RARA: variants seen among roughly 807,000 people sequenced by gnomAD.
The protein encoded by RARA is PML-DDX5-RARA fusion.
Under a neutral mutation model 42.8 loss-of-function variants are expected in RARA, and 5 were observed. That is an observed-to-expected ratio of 0.12 (90% CI 0.06 to 0.25). The LOEUF (loss-of-function observed/expected upper bound fraction) is 0.25. Ranked by LOEUF, RARA falls within the 10% of genes least tolerant of loss-of-function variation. The pLI is 1.00. For synonymous variants in RARA, 256 were observed against 259.5 expected, an observed-to-expected ratio of 0.99 and a Z score of 0.13; for missense variants, 402 against 628.7, an observed-to-expected ratio of 0.64 and a Z score of 3.86.
In RARA at chr17:40,332,602, T is replaced by C. The variant is rs191144127; in HGVS notation, c.178+1206T>C. Among the ~76,000 whole-genome samples, 56 of 152,326 alleles carry C rather than the reference T, an allele frequency of 3.7e-4. 1 individual carries two copies. The East Asian group carries it at 8.3e-3, about 23-fold the overall frequency. ...CTGGCTGGGTGCCCACCACCACCACTGCTTCCTGGATCGCCTCCTCTGGCT... is the reference window on the plus strand; with the variant it reads ...CTGGCTGGGTGCCCACCACCACCACCGCTTCCTGGATCGCCTCCTCTGGCT... On this transcript the variant is annotated intron_variant, in intron 2 of 8. Transcript: ENST00000254066.
At position 40,356,276 on chromosome 17, in the gene RARA, C is replaced by T. The variant is rs2034626163; in HGVS notation, c.*50C>T. Reference sequence around the variant, plus strand: ...CCTCGCCCTCCGCCCCGGCTTTTCTCTGCCTTTCTACCGACCATGTGACCC... The same window carrying T: ...CCTCGCCCTCCGCCCCGGCTTTTCTTTGCCTTTCTACCGACCATGTGACCC... On this transcript the variant is annotated 3_prime_UTR_variant, in exon 9 of 9. Coordinates refer to ENST00000254066, the MANE Select transcript of RARA (RefSeq NM_000964.4). The T allele has an allele frequency of 1.3e-6, 2 of 1,522,626 alleles. No individual in the cohort carries two copies. Among genetic ancestry groups the T allele is most frequent in the South Asian group, 1.2e-5 (1 of 83,532 alleles). The allele number at this position is 1,522,626 out of a possible 1,614,324, so 94.3% of individuals were successfully genotyped here.
intron 2 of RARA, among the ~76,000 whole-genome samples, chr17:40,343,441 C>G (rs913966046): frequency 1.3e-5 from 2 of 152,164 alleles, no homozygotes; most frequent in Admixed American, 1.3e-4. Context: ...ATCAGACACC[C>G]GTCTGCCATC....
Position 40,356,658 on chromosome 17 carries a change from A to AG in RARA, c.*437dup, listed in dbSNP as rs1441852006. On this transcript the variant is annotated 3_prime_UTR_variant, in exon 9 of 9. Transcript: ENST00000254066. ...TCCCCCCTGCCTCGGTTGGTGACAG[A>AG]GGGGGTGGGACAGGGGCGGGGGGTT... 8 of 465,154 alleles carry AG rather than the reference A, an allele frequency of 1.7e-5. No individual in the cohort carries two copies. The highest frequency in any genetic ancestry group is 3.4e-5 in the Non-Finnish European group (8 of 235,720). The allele number at this position is 465,154 out of a possible 1,614,324, so 28.8% of individuals were successfully genotyped here.
chr17:40,320,855 G>A lies in RARA; in HGVS notation c.-362-10002G>A, dbSNP rs957007593. ...GCGACAAATAAGCGGGGTAATCTCC[G>A]CTTGCTCAGTACCCACACCCATCTT... is the stretch of plus-strand genomic sequence containing the variant. On this transcript the variant is annotated intron_variant, in intron 1 of 8. Transcript: ENST00000254066. The surrounding 1 kb of genome is among the most constrained non-coding windows in gnomAD (Gnocchi z 4.1). 6.6e-6 allele frequency among the ~76,000 whole-genome samples: 1 copy of A among 152,132 alleles called. No homozygotes were observed. The highest frequency in any genetic ancestry group is 1.9e-4 in the East Asian group (1 of 5,196).
In RARA at chr17:40,352,145, C is replaced by G. The variant is rs2034477873; in HGVS notation, c.630+75C>G. 1 of 1,470,554 alleles carries G rather than the reference C, an allele frequency of 6.8e-7. No homozygotes were observed. Among genetic ancestry groups the G allele is most frequent in the East Asian group, 2.5e-5 (1 of 40,788 alleles). 91.1% of individuals were successfully genotyped at this position (1,470,554 alleles called of 1,614,324 possible). A position where few individuals can be genotyped will look rare whatever the true frequency, so the allele number is the denominator to read the frequency against. ...GCCAGGATGGGCCCCTCTCAGGCAC[C>G]CCTTCTTGTGCCAGGCAAGATCTCT... On this transcript the variant is annotated intron_variant, in intron 5 of 8. Coordinates refer to ENST00000254066, the MANE Select transcript of RARA (RefSeq NM_000964.4). The surrounding 1 kb of genome is among the most constrained non-coding windows in gnomAD (Gnocchi z 4.9).
intron 2 of RARA, among the ~76,000 whole-genome samples, chr17:40,343,914 C>A (rs764757590): frequency 1.3e-5 from 2 of 152,172 alleles, no homozygotes; most frequent in Non-Finnish European, 2.9e-5. Flanking sequence ...TCCTGCGCAG[C>A]TGTGAGGCAG....
In RARA at chr17:40,356,567, C is replaced by T; in HGVS notation, c.*341C>T. On this transcript the variant is annotated 3_prime_UTR_variant, in exon 9 of 9. Transcript: ENST00000254066. ...ACCACATCTTCATCACCAGCAAACGCCAGGACTTGGCTCCCCCATCCTCAG... is the reference window on the plus strand; with the variant it reads ...ACCACATCTTCATCACCAGCAAACGTCAGGACTTGGCTCCCCCATCCTCAG... The T allele has an allele frequency of 1.7e-6, 1 of 580,712 alleles. No homozygotes were observed. Among genetic ancestry groups the T allele is most frequent in the African/African-American group, 1.8e-5 (1 of 55,550 alleles). 36.0% of individuals were successfully genotyped at this position (580,712 alleles called of 1,614,324 possible).
chr17:40,342,635 G>C (rs2034107699), intron 2 of RARA: 1 of 1,541,806 alleles, frequency 6.5e-7, no homozygotes, highest in Non-Finnish European at 8.7e-7. Flanking sequence ...CTCGGATGGC[G>C]CCGCCGGCTG....
Position 40,352,655 on chromosome 17 carries a change from A to C in RARA, c.807+148A>C. The C allele has an allele frequency of 2.7e-6, 2 of 747,924 alleles. No individual in the cohort carries two copies. Among genetic ancestry groups the C allele is most frequent in the Admixed American group, 3.3e-5 (1 of 30,342 alleles). 46.3% of individuals were successfully genotyped at this position (747,924 alleles called of 1,614,324 possible). A position where few individuals can be genotyped will look rare whatever the true frequency, so the allele number is the denominator to read the frequency against. ...AAATGTCTGCCCTTCCTCTCCCCAT[A>C]TGTCCACCTGTCCACTCGTCTCCCT... On this transcript the variant is annotated intron_variant, in intron 6 of 8. Coordinates refer to ENST00000254066, the MANE Select transcript of RARA (RefSeq NM_000964.4). The surrounding 1 kb of genome is among the most constrained non-coding windows in gnomAD (Gnocchi z 4.9).
At position 40,352,899 on chromosome 17, in the gene RARA, T is replaced by C. The variant is rs1406108079; in HGVS notation, c.807+392T>C. ...TTCAAGACCACCCTGGGCAACATAG[T>C]GAGACCTTATTTCTGCAAAAAACTA... On this transcript the variant is annotated intron_variant, in intron 6 of 8. Transcript: ENST00000254066. This position sits in a 1 kb window ranked among gnomAD's most constrained non-coding sequence, Gnocchi z 4.9. Among the ~76,000 whole-genome samples the C allele has an allele frequency of 6.6e-6, 1 of 152,100 alleles. No individual in the cohort carries two copies. Among genetic ancestry groups the C allele is most frequent in the Non-Finnish European group, 1.5e-5 (1 of 68,004 alleles).
rs542859196 is a variant in RARA at position 40,355,198 on chromosome 17, C to G, written c.1013-65C>G. The G allele has an allele frequency of 6.0e-6, 9 of 1,499,636 alleles. No homozygotes were observed. Among genetic ancestry groups the G allele is most frequent in the Middle Eastern group, 2.4e-4 (1 of 4,242 alleles). 92.9% of individuals were successfully genotyped at this position (1,499,636 alleles called of 1,614,324 possible). On this transcript the variant is annotated intron_variant, in intron 7 of 8. Coordinates refer to ENST00000254066, the MANE Select transcript of RARA (RefSeq NM_000964.4). The surrounding 1 kb of genome is among the most constrained non-coding windows in gnomAD (Gnocchi z 4.1). The stretch of plus-strand genomic sequence containing the variant: ...CCATGGCCTGGGCAGGCACGCCCCC[C>G]GGTGGCCGAGGCTGGGGGTGCAGCT...
intron 1 of RARA, among the ~76,000 whole-genome samples, chr17:40,312,353 GT>G (rs1465481434): frequency 1.3e-5 from 2 of 152,258 alleles, no homozygotes; most frequent in Non-Finnish European, 2.9e-5. Flanking sequence ...GGATGGCCAA[GT>G]TGGCGCTAGC....
At chr17:40,333,596 A>G (rs958150680) in intron 2 of RARA, among the ~76,000 whole-genome samples, 1 of 150,628 alleles carries the variant, frequency 6.6e-6, no homozygotes, top group Non-Finnish European at 1.5e-5. Context: ...TCAGCCTCCC[A>G]AAGTGTTGGG....
At chr17:40,335,460 C>T (rs1227394402) in intron 2 of RARA, among the ~76,000 whole-genome samples, 17 of 151,634 alleles carry the variant, frequency 1.1e-4, no homozygotes, top group East Asian at 2.0e-4. Flanking sequence ...CAGGCCAAGG[C>T]GGGCGGATGA....
At chr17:40,319,174 GTTGGGGGGACGGCTGGGAAATGAGC>G (rs1433398028) in intron 1 of RARA, among the ~76,000 whole-genome samples, 1 of 152,190 alleles carries the variant, frequency 6.6e-6, no homozygotes, top group Non-Finnish European at 1.5e-5. Flanking sequence ...CTGTTGTGGG[GTTGGGGGGACGGCTGGGAAATGAGC>G]TTGGCTATGT....
chr17:40,343,950 C>T (rs1362148932), intron 2 of RARA, among the ~76,000 whole-genome samples: 2 of 152,094 alleles, frequency 1.3e-5, no homozygotes, highest in South Asian at 2.1e-4. Context: ...CGGGAGCAGG[C>T]GCAAGGGGGT....
chr17:40,338,855 A>G (rs1387596080), intron 2 of RARA, among the ~76,000 whole-genome samples: 3 of 151,820 alleles, frequency 2.0e-5, no homozygotes, highest in African/African-American at 7.3e-5. Flanking sequence ...CCATCTCTAC[A>G]GAATATACCA....
Position 40,352,450 on chromosome 17 carries a change from C to A in RARA, c.750C>A (p.Thr250=), listed in dbSNP as rs2034486502. 6.2e-7 allele frequency: 1 copy of A among 1,613,916 alleles called. No individual in the cohort carries two copies. Among genetic ancestry groups the A allele is most frequent in the Non-Finnish European group, 8.5e-7 (1 of 1,179,886 alleles). Residue 250 remains threonine (T), a synonymous_variant, in exon 6 of 9, where the codon ACC becomes ACA. Coordinates refer to ENST00000254066, the MANE Select transcript of RARA (RefSeq NM_000964.4). This position sits in a 1 kb window ranked among gnomAD's most constrained non-coding sequence, Gnocchi z 4.9. ...TCGCCAAGCAGCTGCCCGGCTTCAC[C>A]ACCCTCACCATCGCCGACCAGATCA... ...VEFAKQLPGF[T]TLTIADQITL... is the part of the protein sequence containing the mutation.
chr17:40,355,518 C>T lies in RARA; in HGVS notation c.1171+97C>T, dbSNP rs1002483343. ...CCCATGTCTTTGTGCCAGGACAATA[C>T]GACACCTGTCCCCATCTGTGTCTAG... On this transcript the variant is annotated intron_variant, in intron 8 of 8. Transcript: ENST00000254066. The surrounding 1 kb of genome is among the most constrained non-coding windows in gnomAD (Gnocchi z 4.1). The T allele has an allele frequency of 1.9e-5, 28 of 1,439,372 alleles. No homozygotes were observed. Among genetic ancestry groups the T allele is most frequent in the South Asian group, 2.8e-5 (2 of 72,714 alleles). 89.2% of individuals were successfully genotyped at this position (1,439,372 alleles called of 1,614,324 possible).
Sources: allele counts gnomAD v4.1 joint callset (sites outside exome capture counted in the v4.1 genomes callset), GRCh38; gene constraint gnomAD v4.1.1; non-coding constraint Gnocchi (gnomAD v3.1); transcripts MANE v1.5; gene names NCBI Gene and HGNC (gene_info 2026-07-23, HGNC 2026-07-21).